The following CADM2 variants were observed in gnomAD, a reference collection of about 807,000 sequenced individuals.
CADM2 encodes immunoglobulin superfamily member 4D.
In CADM2, 12 loss-of-function variants were observed where a neutral mutation model predicts 49.8. That is an observed-to-expected ratio of 0.24 (90% CI 0.15 to 0.39). The LOEUF (loss-of-function observed/expected upper bound fraction) is 0.39. Ranked by LOEUF, CADM2 falls within the 10% of genes least tolerant of loss-of-function variation. The probability of loss-of-function intolerance (pLI) is 1.00; values close to 1 mark genes in which losing one functional copy is unlikely to be tolerated. For synonymous variants in CADM2, 214 were observed against 175.4 expected (o/e 1.22, Z -1.74); for missense variants, 378 against 492.3 (o/e 0.77, Z 2.20).
intron 1 of CADM2, among the ~76,000 whole-genome samples, chr3:85,683,485 T>A (rs753107365): frequency 5.3e-5 from 8 of 152,320 alleles, no homozygotes; most frequent in Non-Finnish European, 8.8e-5. Flanking sequence ...ATATTGATCC[T>A]GCTCTACTTA....
chr3:85,651,138 C>T (rs2065031397), intron 1 of CADM2, among the ~76,000 whole-genome samples: 2 of 151,812 alleles, frequency 1.3e-5, no homozygotes, highest in Admixed American at 1.3e-4. Context: ...GCATAAACTG[C>T]CATAGCTTGA....
intron 1 of CADM2, among the ~76,000 whole-genome samples, chr3:85,317,184 T>A (rs2044489404): frequency 6.6e-6 from 1 of 152,156 alleles, no homozygotes; most frequent in African/African-American, 2.4e-5. Flanking sequence ...TTCTCCTTGA[T>A]ATGTAATAAT....
chr3:85,974,695 A>G (rs747451055), intron 8 of CADM2, among the ~76,000 whole-genome samples: 5 of 151,628 alleles, frequency 3.3e-5, no homozygotes, highest in South Asian at 2.1e-4. Flanking sequence ...AAGTTCTTAT[A>G]GAAGTACTCA....
At chr3:85,867,780 A>G (rs1009690552) in intron 3 of CADM2, among the ~76,000 whole-genome samples, 1 of 152,088 alleles carries the variant, frequency 6.6e-6, no homozygotes, top group African/African-American at 2.4e-5. Context: ...CTGATCTTGA[A>G]TAGTGATAAA....
intron 7 of CADM2, among the ~76,000 whole-genome samples, chr3:85,954,152 A>G (rs1723770321): frequency 6.6e-6 from 1 of 151,118 alleles, no homozygotes; most frequent in African/African-American, 2.4e-5. Flanking sequence ...AAGAAAATCT[A>G]ATTTCATTAC....
intron 8 of CADM2, among the ~76,000 whole-genome samples, chr3:86,063,597 C>T (rs1004991203): frequency 6.6e-6 from 1 of 152,178 alleles, no homozygotes; most frequent in East Asian, 1.9e-4. Flanking sequence ...TTATAGTCCA[C>T]ATTTTGCATT....
chr3:85,376,929 T>C (rs1308430615), intron 1 of CADM2, among the ~76,000 whole-genome samples: 1 of 152,114 alleles, frequency 6.6e-6, no homozygotes, highest in African/African-American at 2.4e-5. Context: ...AAAATATTAA[T>C]ATCTACTGAA....
chr3:85,768,467 A>T, intron 2 of CADM2, among the ~76,000 whole-genome samples: 1 of 92,010 alleles, frequency 1.1e-5, no homozygotes, highest in East Asian at 4.5e-4. Flanking sequence ...ATAAATAAAT[A>T]AATAATAAAT....
chr3:86,043,794 T>A (rs1456841975), intron 8 of CADM2, among the ~76,000 whole-genome samples: 1 of 152,172 alleles, frequency 6.6e-6, no homozygotes, highest in Non-Finnish European at 1.5e-5. Context: ...GGCATCATGC[T>A]ACCTGACTTC....
At chr3:84,971,719 A>G (rs1488081243) in intron 1 of CADM2, among the ~76,000 whole-genome samples, 1 of 152,158 alleles carries the variant, frequency 6.6e-6, no homozygotes, top group East Asian at 1.9e-4. Context: ...TGTTTTAATA[A>G]AACAAATATG....
chr3:85,544,004 C>A (rs909666304), intron 1 of CADM2, among the ~76,000 whole-genome samples: 1 of 152,122 alleles, frequency 6.6e-6, no homozygotes, highest in Non-Finnish European at 1.5e-5. Context: ...ATACTGATAG[C>A]ATCCATTTTT....
chr3:86,058,175 C>A (rs1559830306), intron 8 of CADM2, among the ~76,000 whole-genome samples: 2 of 152,262 alleles, frequency 1.3e-5, no homozygotes, highest in South Asian at 4.1e-4. Context: ...TTATGCAAAT[C>A]TTTCTGTATT....
chr3:85,926,450 G>T (rs984311223), intron 6 of CADM2, among the ~76,000 whole-genome samples: 9 of 152,084 alleles, frequency 5.9e-5, no homozygotes, highest in Admixed American at 1.3e-4. Context: ...TAAAACAAAA[G>T]TGGCTTCACA....
rs34546466 is a variant in CADM2 at position 85,500,522 on chromosome 3, A to AT, written c.62-225987dup. On this transcript the variant is annotated intron_variant, in intron 1 of 9. Transcript: ENST00000383699. ...TCTGATATATTTTTTCATAGGTGGA[A>AT]TTTTTTTTTTTTTGAGACGGAGTGT... Among the ~76,000 whole-genome samples the AT allele has an allele frequency of 9.1e-3, 1,328 of 145,896 alleles. 12 individuals carry two copies. The highest frequency in any genetic ancestry group is 0.032 in the South Asian group (149 of 4,624).
chr3:85,194,425 G>C (rs1458268064), intron 1 of CADM2, among the ~76,000 whole-genome samples: 1 of 152,028 alleles, frequency 6.6e-6, no homozygotes, highest in Non-Finnish European at 1.5e-5. Context: ...CTGGCAGGAG[G>C]TGATTAACTT....
At chr3:85,007,418 CTG>C (rs1331232620) in intron 1 of CADM2, among the ~76,000 whole-genome samples, 1 of 152,068 alleles carries the variant, frequency 6.6e-6, no homozygotes, top group Non-Finnish European at 1.5e-5. Context: ...TCCAATAAAA[CTG>C]TATTTACAAA....
At chr3:85,025,360 T>G (rs2034680971) in intron 1 of CADM2, among the ~76,000 whole-genome samples, 1 of 152,144 alleles carries the variant, frequency 6.6e-6, no homozygotes, top group Admixed American at 6.6e-5. Flanking sequence ...TATAGAAAGC[T>G]TGGGTATACA....
At chr3:86,065,194 C>T (rs1739165857) in intron 8 of CADM2, among the ~76,000 whole-genome samples, 1 of 152,118 alleles carries the variant, frequency 6.6e-6, no homozygotes, top group South Asian at 2.1e-4. Flanking sequence ...TGATAAGTCT[C>T]AAATTATCAT....
intron 1 of CADM2, among the ~76,000 whole-genome samples, chr3:85,405,340 A>C (rs73845490): frequency 0.012 from 1,773 of 152,268 alleles, 28 homozygotes; most frequent in African/African-American, 0.041. Flanking sequence ...CAATGTGCTA[A>C]TAGGTTTATA....
Sources: gnomAD v4.1 joint callset for allele counts (sites outside exome capture counted in the v4.1 genomes callset) on GRCh38, gnomAD v4.1.1 for gene constraint, MANE v1.5 for transcripts, NCBI Gene and HGNC (gene_info 2026-07-23, HGNC 2026-07-21) for gene names.